Variants in TMEM260 observed in about 807,000 individuals in gnomAD.
The protein encoded by TMEM260 is protein O-mannosyl-transferase TMEM260.
Under a neutral mutation model 88.9 loss-of-function variants are expected in TMEM260, and 82 were observed. The ratio of observed to expected loss-of-function variants is 0.92; its 90% CI spans 0.77 to 1.11. The LOEUF is 1.11. Among genes scored for constraint, TMEM260 ranks in the 50% least tolerant of loss-of-function variants. TMEM260 has a pLI of 0.00. For synonymous variants in TMEM260, 314 were observed against 309.3 expected (o/e 1.02, Z -0.16); for missense variants, 902 against 853.4 (o/e 1.06, Z -0.71).
At chr14:56,626,575 A>C (rs971631746) in intron 12 of TMEM260, among the ~76,000 whole-genome samples, 1 of 152,204 alleles carries the variant, frequency 6.6e-6, no homozygotes, top group Non-Finnish European at 1.5e-5. Flanking sequence ...GTTCTATACT[A>C]TCAATGCCTT....
the TMEM260 span, among the ~76,000 whole-genome samples, chr14:56,656,417 C>G: frequency 2.0e-5 from 3 of 151,844 alleles, no homozygotes; most frequent in East Asian, 5.8e-4. Context: ...GAGACCTTAT[C>G]TCAAATAAAT....
intron 4 of TMEM260, among the ~76,000 whole-genome samples, chr14:56,604,300 T>C (rs1886758878): frequency 6.6e-6 from 1 of 152,126 alleles, no homozygotes; most frequent in Non-Finnish European, 1.5e-5. Context: ...TTTGTTTGTG[T>C]ATATTATCAG....
downstream of TMEM260, chr14:56,650,235 C>T (rs1366017104): frequency 5.7e-6 from 2 of 350,984 alleles, no homozygotes; most frequent in African/African-American, 4.3e-5. Flanking sequence ...CCCACAAGGC[C>T]AACTTCTGCC....
chr14:56,625,318 A>G, intron 11 of TMEM260, 64 bp from the exon 12 acceptor site: 1 of 1,552,900 alleles, frequency 6.4e-7, no homozygotes, highest in Non-Finnish European at 8.8e-7. Flanking sequence ...CCATTACTTG[A>G]TAAACTTGAT....
chr14:56,642,711 G>C (rs1217305381), intron 15 of TMEM260, among the ~76,000 whole-genome samples: 6 of 152,274 alleles, frequency 3.9e-5, no homozygotes, highest in South Asian at 2.1e-4. Flanking sequence ...AAAAATCAAT[G>C]AATCCAGGAG....
intron 12 of TMEM260, among the ~76,000 whole-genome samples, chr14:56,628,628 G>GA (rs894059230): frequency 5.3e-5 from 8 of 151,478 alleles, no homozygotes; most frequent in Non-Finnish European, 7.4e-5. Flanking sequence ...CTATACAAAT[G>GA]AAAAAAAATC....
At chr14:56,624,636 G>GA (rs1283676246) in intron 11 of TMEM260, among the ~76,000 whole-genome samples, 2 of 152,108 alleles carry the variant, frequency 1.3e-5, no homozygotes, top group African/African-American at 4.8e-5. Flanking sequence ...ACACAGAGAT[G>GA]AAAAAATACA....
chr14:56,652,578 T>C (rs1397283854), downstream of TMEM260, among the ~76,000 whole-genome samples: 1 of 152,114 alleles, frequency 6.6e-6, no homozygotes, highest in African/African-American at 2.4e-5. Context: ...AAGAGGATTG[T>C]TTATAAATGG....
chr14:56,598,561 A>G (rs868169336), intron 3 of TMEM260, among the ~76,000 whole-genome samples: 18 of 152,194 alleles, frequency 1.2e-4, no homozygotes, highest in African/African-American at 3.6e-4. Flanking sequence ...TTGTCTCACT[A>G]AGGTGAAATG....
At chr14:56,600,178 A>G (rs907453903) in intron 3 of TMEM260, among the ~76,000 whole-genome samples, 1 of 152,248 alleles carries the variant, frequency 6.6e-6, no homozygotes, top group African/African-American at 2.4e-5. Context: ...GTACGAAAAC[A>G]TGAATACTGG....
At chr14:56,614,691 A>G (rs1887494558) in intron 7 of TMEM260, among the ~76,000 whole-genome samples, 2 of 152,030 alleles carry the variant, frequency 1.3e-5, no homozygotes, top group South Asian at 2.1e-4. Context: ...CAGAAAAAAG[A>G]CTTGACAAAA....
intron 14 of TMEM260, 111 bp from the exon 15 acceptor site, chr14:56,636,397 A>G (rs1006950413): frequency 7.5e-6 from 6 of 804,532 alleles, no homozygotes; most frequent in African/African-American, 3.5e-5. Context: ...AAATAATACA[A>G]TAAAGGATTT....
chr14:56,584,646 C>CT (rs1397399161), intron 1 of TMEM260, among the ~76,000 whole-genome samples: 2 of 152,064 alleles, frequency 1.3e-5, no homozygotes, highest in African/African-American at 2.4e-5. Flanking sequence ...TCTTTATAGA[C>CT]TTTCGTGCTA....
At chr14:56,617,446 T>TA (rs1566553983) in intron 9 of TMEM260, 149 bp downstream of exon 9, 1 of 566,446 alleles carries the variant, frequency 1.8e-6, no homozygotes, top group Non-Finnish European at 3.1e-6. Context: ...AATTATTGAG[T>TA]CAATACAGCT....
intron 15 of TMEM260, 66 bp from the exon 16 acceptor site, chr14:56,647,172 GTTTTT>G: frequency 6.7e-7 from 1 of 1,492,834 alleles, no homozygotes; most frequent in Non-Finnish European, 8.9e-7. Context: ...ATTCCTCTGT[GTTTTT>G]TTGTTTTTGA....
At chr14:56,631,262 C>T (rs73277646) in intron 12 of TMEM260, among the ~76,000 whole-genome samples, 3 of 152,278 alleles carry the variant, frequency 2.0e-5, no homozygotes, top group East Asian at 1.9e-4. Flanking sequence ...TTCCCTTCTC[C>T]CCTGATTCTT....
intron 3 of TMEM260, among the ~76,000 whole-genome samples, chr14:56,591,395 A>G (rs1311394121): frequency 1.3e-5 from 2 of 152,220 alleles, no homozygotes; most frequent in Non-Finnish European, 2.9e-5. Context: ...TGCTGATGAA[A>G]GTAGTTTAAT....
At chr14:56,580,918 A>G (rs978332942) in intron 1 of TMEM260, among the ~76,000 whole-genome samples, 3 of 152,210 alleles carry the variant, frequency 2.0e-5, no homozygotes, top group African/African-American at 7.2e-5. Flanking sequence ...GTGATCCCCA[A>G]ATTGAGCAGC....
chr14:56,608,978 A>T, intron 5 of TMEM260, 128 bp from the exon 6 acceptor site: 2 of 965,068 alleles, frequency 2.1e-6, no homozygotes, highest in Non-Finnish European at 3.1e-6. Context: ...TTCTGTGGTG[A>T]CTTAATATAA....
Sources: gnomAD v4.1 joint callset for allele counts (sites outside exome capture counted in the v4.1 genomes callset) on GRCh38, gnomAD v4.1.1 for gene constraint, MANE v1.5 for transcripts, NCBI Gene and HGNC (gene_info 2026-07-23, HGNC 2026-07-21) for gene names.